Variants in CELF4 observed in about 807,000 individuals in gnomAD.
The protein encoded by CELF4 is CUGBP Elav-like family member 4.
A neutral mutation model predicts 59.9 loss-of-function variants in CELF4; 18 were observed. The ratio of observed to expected loss-of-function variants is 0.30; its 90% CI spans 0.21 to 0.45. The LOEUF is 0.45. Among genes scored for constraint, CELF4 ranks in the 20% least tolerant of loss-of-function variants. CELF4 has a pLI of 1.00. For missense variants in CELF4, 456 were observed against 689.0 expected, an observed-to-expected ratio of 0.66 and a Z score of 3.79; for synonymous variants, 261 against 267.1, an observed-to-expected ratio of 0.98 and a Z score of 0.22.
intron 1 of CELF4, among the ~76,000 whole-genome samples, chr18:37,486,916 C>T (rs1164773902): frequency 6.6e-6 from 1 of 152,254 alleles, no homozygotes; most frequent in African/African-American, 2.4e-5. Flanking sequence ...TCAAGTTCTA[C>T]CTACTCCAGG....
intron 2 of CELF4, among the ~76,000 whole-genome samples, chr18:37,335,513 G>GT (rs1491388204): frequency 9.2e-5 from 14 of 151,422 alleles, no homozygotes; most frequent in African/African-American, 3.4e-4. Flanking sequence ...GTGTGTGTGT[G>GT]GAGGTGTGGG....
At chr18:37,334,055 G>A (rs976147109) in intron 2 of CELF4, among the ~76,000 whole-genome samples, 1 of 152,162 alleles carries the variant, frequency 6.6e-6, no homozygotes, top group South Asian at 2.1e-4. Flanking sequence ...TCCTGAAAGT[G>A]CGTTCTTTAC....
chr18:37,344,222 T>C (rs1440239283), intron 2 of CELF4, among the ~76,000 whole-genome samples: 6 of 152,152 alleles, frequency 3.9e-5, no homozygotes, highest in Admixed American at 2.6e-4. Context: ...AACCAGATCA[T>C]TGAGGAGCAC....
intron 3 of CELF4, among the ~76,000 whole-genome samples, chr18:37,311,457 G>A (rs2096643884): frequency 6.6e-6 from 1 of 152,130 alleles, no homozygotes; most frequent in African/African-American, 2.4e-5. Context: ...TTTTTACAAA[G>A]GGGCTTAAGA....
At chr18:37,307,118 AG>A (rs1390937477) in intron 3 of CELF4, among the ~76,000 whole-genome samples, 3 of 152,058 alleles carry the variant, frequency 2.0e-5, no homozygotes, top group African/African-American at 4.8e-5. Flanking sequence ...TGATGGCAGA[AG>A]GGGGCTTGTA....
chr18:37,266,433 C>T, intron 9 of CELF4, 100 bp downstream of exon 9: 2 of 1,157,646 alleles, frequency 1.7e-6, no homozygotes, highest in Non-Finnish European at 2.5e-6. Context: ...CTCCCCACCC[C>T]ATGCAGTGCT....
intron 1 of CELF4, among the ~76,000 whole-genome samples, chr18:37,533,372 T>G (rs1291659125): frequency 6.6e-6 from 1 of 152,184 alleles, no homozygotes; most frequent in South Asian, 2.1e-4. Flanking sequence ...ATCCGGAGTT[T>G]CTAACATGGA....
chr18:37,519,119 G>A (rs1011387633), intron 1 of CELF4, among the ~76,000 whole-genome samples: 7 of 140,362 alleles, frequency 5.0e-5, no homozygotes, highest in African/African-American at 1.7e-4. Context: ...GCCTCCAAGG[G>A]CCTGGCCACA....
chr18:37,396,816 C>G (rs2099251130), intron 2 of CELF4, among the ~76,000 whole-genome samples: 1 of 152,158 alleles, frequency 6.6e-6, no homozygotes, highest in Non-Finnish European at 1.5e-5. Flanking sequence ...GCCAAGCCAC[C>G]ACGTGTGTTC....
chr18:37,375,960 T>C lies in CELF4; in HGVS notation c.370-54079A>G, dbSNP rs149968862. On this transcript the variant is annotated intron_variant, in intron 2 of 12. Transcript: ENST00000420428. ...AAGAACTTTATTACTGGGTAACTAG[T>C]TCCTTTGCTTTTCCTGTAACAAATT... 2.0e-5 allele frequency among the ~76,000 whole-genome samples: 3 copies of C among 152,266 alleles called. No individual in the cohort carries two copies. In the East Asian group the frequency reaches 5.8e-4, roughly 29 times the overall value.
At chr18:37,546,213 C>T (rs758687927) in intron 1 of CELF4, among the ~76,000 whole-genome samples, 8 of 152,180 alleles carry the variant, frequency 5.3e-5, no homozygotes, top group Admixed American at 1.3e-4. Flanking sequence ...CACCCGAGCC[C>T]GTCGCAGCCC....
intron 2 of CELF4, among the ~76,000 whole-genome samples, chr18:37,442,289 G>A (rs2099733212): frequency 6.6e-6 from 1 of 152,126 alleles, no homozygotes; most frequent in Non-Finnish European, 1.5e-5. Context: ...TTGCCAAGTC[G>A]TGACATAAAG....
intron 2 of CELF4, among the ~76,000 whole-genome samples, chr18:37,337,447 T>A (rs2097809675): frequency 6.6e-6 from 1 of 152,186 alleles, no homozygotes; most frequent in African/African-American, 2.4e-5. Context: ...CAGGGTCTAA[T>A]TTCTTTCCCG....
At chr18:37,513,874 C>T (rs966467052) in intron 1 of CELF4, among the ~76,000 whole-genome samples, 1 of 152,114 alleles carries the variant, frequency 6.6e-6, no homozygotes, top group Non-Finnish European at 1.5e-5. Context: ...CTAACTACCT[C>T]TCTTGTGTTG....
chr18:37,334,837 A>T (rs2097705318), intron 2 of CELF4, among the ~76,000 whole-genome samples: 1 of 152,100 alleles, frequency 6.6e-6, no homozygotes, highest in Non-Finnish European at 1.5e-5. Context: ...AGCCCACACC[A>T]AGTAAATGAC....
chr18:37,304,855 C>A (rs915664976), intron 3 of CELF4, among the ~76,000 whole-genome samples: 2 of 152,150 alleles, frequency 1.3e-5, no homozygotes, highest in African/African-American at 4.8e-5. Context: ...AGGCTGTCCA[C>A]AAAGAAAATT....
chr18:37,252,236 A>T (rs1191813546), intron 12 of CELF4, among the ~76,000 whole-genome samples: 1 of 152,114 alleles, frequency 6.6e-6, no homozygotes, highest in Non-Finnish European at 1.5e-5. Context: ...TCTTCCAGTG[A>T]CTTGGGCCAA....
rs5824056 is a variant in CELF4 at position 37,408,459 on chromosome 18, G to GTTTT, written c.369+77062_369+77065dup. Among the ~76,000 whole-genome samples the GTTTT allele has an allele frequency of 1.7e-3, 214 of 126,806 alleles. 1 individual carries two copies. Among genetic ancestry groups the GTTTT allele is most frequent in the Admixed American group, 2.4e-3 (27 of 11,126 alleles). 83.2% of individuals were successfully genotyped at this position (126,806 alleles called of 152,430 possible). A position where few individuals can be genotyped will look rare whatever the true frequency, so the allele number is the denominator to read the frequency against. ...CTACACACATGGAAAAATCAAGAAG[G>GTTTT]TTTTTTTTTTTTTTTCCCCCTTTGG... On this transcript the variant is annotated intron_variant, in intron 2 of 12. Transcript: ENST00000420428.
At chr18:37,521,397 A>C (rs2099957287) in intron 1 of CELF4, among the ~76,000 whole-genome samples, 1 of 152,126 alleles carries the variant, frequency 6.6e-6, no homozygotes, top group Non-Finnish European at 1.5e-5. Flanking sequence ...TAGATCATAC[A>C]GGATGGATTA....
Sources: allele counts gnomAD v4.1 joint callset (sites outside exome capture counted in the v4.1 genomes callset), GRCh38; gene constraint gnomAD v4.1.1; transcripts MANE v1.5; gene names NCBI Gene and HGNC (gene_info 2026-07-23, HGNC 2026-07-21).